The following KIAA0232 variants were observed in gnomAD, a reference collection of about 807,000 sequenced individuals.
KIAA0232 encodes KIAA0232, also known as uncharacterized protein KIAA0232.
Under a neutral mutation model 122.0 loss-of-function variants are expected in KIAA0232, and 27 were observed. The ratio of observed to expected loss-of-function variants is 0.22; its 90% CI spans 0.16 to 0.31. The LOEUF (loss-of-function observed/expected upper bound fraction) is 0.31. KIAA0232 is among the 10% of genes least tolerant of loss of function. KIAA0232 has a pLI of 1.00. For synonymous variants in KIAA0232, 613 were observed against 587.6 expected (o/e 1.04, Z -0.63); for missense variants, 1,551 against 1,634.2 (o/e 0.95, Z 0.88).
At chr4:6,859,100 T>TAAAAAAAAAAAAAAAA (rs34866239) in intron 6 of KIAA0232, among the ~76,000 whole-genome samples, 1 of 106,296 alleles carries the variant, frequency 9.4e-6, no homozygotes, top group African/African-American at 3.6e-5. Flanking sequence ...TCTGTCTTAT[T>TAAAAAAAAAAAAAAAA]AAAAAAAAAA....
chr4:6,817,658 G>A (rs1718198719), intron 2 of KIAA0232, among the ~76,000 whole-genome samples: 1 of 152,166 alleles, frequency 6.6e-6, no homozygotes, highest in Non-Finnish European at 1.5e-5. Flanking sequence ...CACCTTTTCT[G>A]TGGCCAAAGA....
In KIAA0232 at chr4:6,863,255, T is replaced by C. The variant is rs764657534; in HGVS notation, c.2873T>C (p.Leu958Pro). 3.7e-6 allele frequency: 6 copies of C among 1,613,970 alleles called. No homozygotes were observed. The highest frequency in any genetic ancestry group is 1.7e-6 in the Non-Finnish European group (2 of 1,180,046). Reference protein sequence around the residue: ...VVPPSHTKGSLLQCAASDVVT... With the variant: ...VVPPSHTKGSPLQCAASDVVT... ...CCACCTAGTCACACAAAAGGAAGTC[T>C]GTTACAGTGTGCAGCTTCTGATGTT... The change falls in exon 7 of 10, where the codon CTG becomes CCG. Residue 958 changes from leucine (L) to proline (P), a missense_variant. Coordinates refer to ENST00000307659, the MANE Select transcript of KIAA0232 (RefSeq NM_014743.3).
intron 3 of KIAA0232, among the ~76,000 whole-genome samples, chr4:6,839,108 A>G (rs1719505455): frequency 6.6e-6 from 1 of 152,252 alleles, no homozygotes; most frequent in Non-Finnish European, 1.5e-5. Flanking sequence ...CCTGGGTTAC[A>G]GAGCAAGACT....
At chr4:6,875,544 C>A (rs556447054) in intron 8 of KIAA0232, among the ~76,000 whole-genome samples, 2 of 152,286 alleles carry the variant, frequency 1.3e-5, no homozygotes, top group East Asian at 3.9e-4. Context: ...GATGGTCTTA[C>A]CCTTGGCACA....
Position 6,861,429 on chromosome 4 carries a change from AAGT to A in KIAA0232, c.1053_1055del (p.Ser356del). 6.2e-7 allele frequency: 1 copy of A among 1,614,196 alleles called. No individual in the cohort carries two copies. ...AGGCTGAAAGGAACATTCATACTGG[AAGT>A]AGTAGCAGTAGCAGCAGTGGTTCTG... On this transcript the variant is annotated inframe_deletion, in exon 7 of 10. Transcript: ENST00000307659.
intron 7 of KIAA0232, among the ~76,000 whole-genome samples, chr4:6,869,786 C>T (rs1194441985): frequency 6.6e-6 from 1 of 152,172 alleles, no homozygotes; most frequent in Non-Finnish European, 1.5e-5. Flanking sequence ...CAGTTTTAGA[C>T]CCATAAATAA....
chr4:6,839,541 A>G (rs939422489), intron 3 of KIAA0232, among the ~76,000 whole-genome samples: 1 of 152,244 alleles, frequency 6.6e-6, no homozygotes, highest in Admixed American at 6.5e-5. Flanking sequence ...GACAACTGCC[A>G]GTTTAGGAAT....
intron 4 of KIAA0232, among the ~76,000 whole-genome samples, chr4:6,851,471 G>A (rs2108768055): frequency 6.6e-6 from 1 of 152,240 alleles, no homozygotes; most frequent in South Asian, 2.1e-4. Context: ...ACTTTGAGAA[G>A]CTGAGGCGGG....
At chr4:6,823,190 T>G (rs1292727422) in intron 2 of KIAA0232, among the ~76,000 whole-genome samples, 1 of 151,882 alleles carries the variant, frequency 6.6e-6, no homozygotes, top group Non-Finnish European at 1.5e-5. Context: ...GTTGGACATT[T>G]GGGTTGGTTC....
At chr4:6,790,914 ACTTTT>A in intron 1 of KIAA0232, among the ~76,000 whole-genome samples, 1 of 100,906 alleles carries the variant, frequency 9.9e-6, no homozygotes, top group African/African-American at 4.1e-5. Context: ...GTTTTTATAT[ACTTTT>A]TTTTTTTTTT....
chr4:6,824,726 CTGT>C, intron 3 of KIAA0232, 42 bp downstream of exon 3: 1 of 1,501,892 alleles, frequency 6.7e-7, no homozygotes, highest in Non-Finnish European at 9.2e-7. Flanking sequence ...CTGATTGTAT[CTGT>C]ATGTATACAT....
At chr4:6,791,087 C>T (rs1716872800) in intron 1 of KIAA0232, among the ~76,000 whole-genome samples, 1 of 149,970 alleles carries the variant, frequency 6.7e-6, no homozygotes, top group African/African-American at 2.4e-5. Flanking sequence ...CCCAGATAAT[C>T]TTTTGTATTT....
chr4:6,864,180 A>G lies in KIAA0232; in HGVS notation c.3798A>G (p.Glu1266=), dbSNP rs1367980747. ...EDNPVSSGQL[E]EFPVLNTDIQ... ...ATCCAGTTTCTTCGGGACAGCTGGA[A>G]GAGGTATGTGTCTGCGTGTTGGTAT... The change falls in exon 7 of 10, where the codon GAA becomes GAG. Residue 1266 remains glutamate, a synonymous_variant. Transcript: ENST00000307659. 1 of 1,609,110 alleles carries G rather than the reference A, an allele frequency of 6.2e-7. No individual in the cohort carries two copies. Among genetic ancestry groups the G allele is most frequent in the African/African-American group, 1.3e-5 (1 of 74,802 alleles).
chr4:6,803,204 C>CAGAT (rs1553829137), intron 1 of KIAA0232, among the ~76,000 whole-genome samples: 1 of 141,568 alleles, frequency 7.1e-6, no homozygotes, highest in African/African-American at 2.6e-5. Context: ...AAAATGAGTG[C>CAGAT]ATATATATAT....
rs1244719910 is a variant in KIAA0232 at position 6,855,099 on chromosome 4, T to G, written c.370-2065T>G. On this transcript the variant is annotated intron_variant, in intron 4 of 9. Transcript: ENST00000307659. This position sits in a 1 kb window ranked among gnomAD's most constrained non-coding sequence, Gnocchi z 4.3. ...TTTTATTTTTTATTTTTTTTTATTT[T>G]TTTGAGACCGAGTCTCGCTCTGTTG... 6.6e-6 allele frequency among the ~76,000 whole-genome samples: 1 copy of G among 151,982 alleles called. No homozygotes were observed. Among genetic ancestry groups the G allele is most frequent in the Non-Finnish European group, 1.5e-5 (1 of 68,002 alleles).
At chr4:6,859,329 C>A (rs1471845725) in intron 6 of KIAA0232, among the ~76,000 whole-genome samples, 1 of 151,712 alleles carries the variant, frequency 6.6e-6, no homozygotes, top group East Asian at 1.9e-4. Context: ...TCTTTCGAAC[C>A]TCTGAAACCT....
chr4:6,791,669 C>T (rs1425105660), intron 1 of KIAA0232, among the ~76,000 whole-genome samples: 2 of 152,134 alleles, frequency 1.3e-5, no homozygotes, highest in African/African-American at 2.4e-5. Context: ...TCTCTTTCTT[C>T]ATCTCCCTTC....
In KIAA0232 at chr4:6,850,638, T is replaced by G. The variant is rs112834658; in HGVS notation, c.370-6526T>G. Among the ~76,000 whole-genome samples the G allele has an allele frequency of 4.3e-3, 657 of 152,236 alleles. 2 individuals carry two copies. The highest frequency in any genetic ancestry group is 0.015 in the African/African-American group (609 of 41,548). On this transcript the variant is annotated intron_variant, in intron 4 of 9. Coordinates refer to ENST00000307659, the MANE Select transcript of KIAA0232 (RefSeq NM_014743.3). ...TGGGCCTTTCAATTGCTTCTCATTT[T>G]GGGCTATTAATAAAGAAAGTAGAAA...
intron 1 of KIAA0232, among the ~76,000 whole-genome samples, chr4:6,793,382 C>G (rs1716991913): frequency 1.3e-5 from 2 of 152,152 alleles, no homozygotes; most frequent in South Asian, 4.1e-4. Context: ...CTCTAAAAAA[C>G]TTAGCCTTAA....
Sources: allele counts gnomAD v4.1 joint callset (sites outside exome capture counted in the v4.1 genomes callset), GRCh38; gene constraint gnomAD v4.1.1; non-coding constraint Gnocchi (gnomAD v3.1); transcripts MANE v1.5; gene names NCBI Gene and HGNC (gene_info 2026-07-23, HGNC 2026-07-21).